Variants in SAFB2 observed in about 807,000 individuals in gnomAD.
SAFB2 encodes the protein scaffold attachment factor B2.
In SAFB2, 32 loss-of-function variants were observed where a neutral mutation model predicts 100.6. The ratio of observed to expected loss-of-function variants is 0.32; its 90% confidence interval spans 0.24 to 0.43. The LOEUF is 0.43. Among genes scored for constraint, SAFB2 ranks in the 20% least tolerant of loss-of-function variants. The pLI is 1.00. For missense variants in SAFB2, 1,185 were observed against 1,163.4 expected (o/e 1.02, Z -0.27); for synonymous variants, 500 against 439.4 (o/e 1.14, Z -1.72).
At chr19:5,610,718 A>G (rs746686892) in intron 7 of SAFB2, 30 bp from the exon 8 acceptor site, 3 of 1,450,880 alleles carry the variant, frequency 2.1e-6, no homozygotes, top group East Asian at 2.3e-5. Flanking sequence ...TTACTCATAC[A>G]GGAAAAAAAC....
chr19:5,599,569 C>A (rs2052611132), intron 12 of SAFB2, among the ~76,000 whole-genome samples: 1 of 151,728 alleles, frequency 6.6e-6, no homozygotes, highest in South Asian at 2.1e-4. Flanking sequence ...TTTTTCTCTT[C>A]CTTGATGGGG....
At chr19:5,621,015 C>T (rs372715321) in intron 2 of SAFB2, among the ~76,000 whole-genome samples, 14 of 152,258 alleles carry the variant, frequency 9.2e-5, no homozygotes, top group African/African-American at 3.4e-4. Flanking sequence ...TCCTCAGACC[C>T]GTAGAAGTAG....
intron 18 of SAFB2, among the ~76,000 whole-genome samples, chr19:5,589,364 G>T (rs575403256): frequency 4.0e-4 from 61 of 152,252 alleles, no homozygotes; most frequent in African/African-American, 1.2e-3. Flanking sequence ...CGGGTGTCCT[G>T]GGACACTCGG....
intron 9 of SAFB2, among the ~76,000 whole-genome samples, chr19:5,608,311 C>T (rs1335789623): frequency 6.6e-6 from 1 of 152,188 alleles, no homozygotes; most frequent in African/African-American, 2.4e-5. Context: ...ACGCTCATCA[C>T]AACACATCAT....
chr19:5,590,204 G>A (rs2052361006), intron 18 of SAFB2, 74 bp downstream of exon 18: 10 of 1,320,078 alleles, frequency 7.6e-6, no homozygotes, highest in East Asian at 2.9e-5. Flanking sequence ...CCTTGGGGAC[G>A]TGCCTGGCCA....
rs55863442 is a variant in SAFB2 at position 5,603,592 on chromosome 19, C to T, written c.1559+991G>A. Among the ~76,000 whole-genome samples, 1,368 of 152,314 alleles carry T rather than the reference C, an allele frequency of 9.0e-3. 29 individuals are homozygous for T. The highest frequency in any genetic ancestry group is 0.031 in the African/African-American group (1,287 of 41,570). ...AAATCACCCCTTTATAAAAATAGAA[C>T]CTCAGACCCATGGTTCCCAACTACT... On this transcript the variant is annotated intron_variant, in intron 11 of 20. Transcript: ENST00000252542.
At chr19:5,595,712 G>C (rs1044876350) in intron 13 of SAFB2, among the ~76,000 whole-genome samples, 1 of 152,202 alleles carries the variant, frequency 6.6e-6, no homozygotes, top group Admixed American at 6.5e-5. Flanking sequence ...GATGTCAAGG[G>C]GCATTCATGG....
intron 16 of SAFB2, among the ~76,000 whole-genome samples, chr19:5,592,180 C>T (rs2052422800): frequency 1.3e-5 from 2 of 152,184 alleles, no homozygotes; most frequent in Admixed American, 1.3e-4. Flanking sequence ...CCTCCCTTTC[C>T]TGTTCTCCCC....
chr19:5,592,732 G>A lies in SAFB2; in HGVS notation c.2348+15C>T, dbSNP rs376199416. 7.9e-5 allele frequency: 127 copies of A among 1,613,534 alleles called. No individual in the cohort carries two copies. The highest frequency in any genetic ancestry group is 1.3e-4 in the Admixed American group (8 of 59,988). ...CACAATGACTGTAGCTAAAGGAGGG[G>A]ACAAGACCACTGACCTGTCGATGGC... On this transcript the variant is annotated intron_variant, in intron 16 of 20. Coordinates refer to ENST00000252542, the MANE Select transcript of SAFB2 (RefSeq NM_014649.3).
intron 4 of SAFB2, among the ~76,000 whole-genome samples, chr19:5,614,237 G>A (rs1479068848): frequency 6.6e-6 from 1 of 152,114 alleles, no homozygotes; most frequent in Non-Finnish European, 1.5e-5. Flanking sequence ...ACAGGTGTGA[G>A]CCACCGCGCC....
intron 13 of SAFB2, among the ~76,000 whole-genome samples, chr19:5,597,168 C>T (rs781032277): frequency 6.6e-6 from 1 of 152,190 alleles, no homozygotes; most frequent in Non-Finnish European, 1.5e-5. Flanking sequence ...CCTGGGTTCT[C>T]AGGCCAGCTT....
At chr19:5,614,926 A>G (rs893139318) in intron 4 of SAFB2, among the ~76,000 whole-genome samples, 7 of 152,176 alleles carry the variant, frequency 4.6e-5, no homozygotes, top group African/African-American at 1.7e-4. Flanking sequence ...AACAACATTA[A>G]CAGGCTAGGC....
chr19:5,618,361 C>CA lies in SAFB2; in HGVS notation c.275-1876dup, dbSNP rs976804999. Among the ~76,000 whole-genome samples the CA allele has an allele frequency of 4.2e-3, 608 of 146,118 alleles. 4 individuals are homozygous for CA. The highest frequency in any genetic ancestry group is 0.018 in the South Asian group (82 of 4,606). ...TGGGCAACAGAGCGAGACTCCGTCTCAAAAAAAAAAGAAAGAAAATTAAAC... is the reference window on the plus strand; with the variant it reads ...TGGGCAACAGAGCGAGACTCCGTCTCAAAAAAAAAAAGAAAGAAAATTAAAC... On this transcript the variant is annotated intron_variant, in intron 2 of 20. Transcript: ENST00000252542.
Position 5,590,300 on chromosome 19 carries a change from G to A in SAFB2, c.2503C>T (p.Arg835Trp), listed in dbSNP as rs533605559. The A allele has an allele frequency of 1.2e-5, 19 of 1,599,024 alleles. No individual in the cohort carries two copies. The highest frequency in any genetic ancestry group is 1.7e-4 in the Middle Eastern group (1 of 6,000). ...YGSDKRLSEG[R>W]GLPPPPRGGR... ...AACCTGGGGGGAGGGGGCAGCCCCC[G>A]GCCTTCACTCAGCCTCTTGTCGGAG... Residue 835 changes from arginine to tryptophan, a missense_variant, in exon 18 of 21, where the codon CGG becomes TGG. By Grantham distance (101) the Arg-to-Trp change is moderately radical (BLOSUM62 -3). This residue lies in a region of SAFB2 where 740 missense variants were observed against 687.1 expected (regional missense o/e 1.08). Coordinates refer to ENST00000252542, the MANE Select transcript of SAFB2 (RefSeq NM_014649.3).
In SAFB2 at chr19:5,617,830, ATATT is replaced by A. The variant is rs1172715255; in HGVS notation, c.275-1348_275-1345del. Among the ~76,000 whole-genome samples, 7 of 152,214 alleles carry A rather than the reference ATATT, an allele frequency of 4.6e-5. No individual in the cohort carries two copies. In the South Asian group the frequency reaches 1.2e-3, roughly 27 times the overall value. The stretch of plus-strand genomic sequence containing the variant: ...TTTAAAGAATGTATGCTTTTAAAGA[ATATT>A]TAATGAAACAGAAAAAATGCCCACA... On this transcript the variant is annotated intron_variant, in intron 2 of 20. Coordinates refer to ENST00000252542, the MANE Select transcript of SAFB2 (RefSeq NM_014649.3).
chr19:5,587,828 G>T lies in SAFB2; in HGVS notation c.2638+40C>A, dbSNP rs1048702324. 6.3e-7 allele frequency: 1 copy of T among 1,580,476 alleles called. No homozygotes were observed. Among genetic ancestry groups the T allele is most frequent in the East Asian group, 2.3e-5 (1 of 42,928 alleles). ...CTGGGGAAGCCCCTGGACACATGTG[G>T]GGGCCACAGCCACCCTCGTCCCTGG... is the stretch of plus-strand genomic sequence containing the variant. On this transcript the variant is annotated intron_variant, in intron 19 of 20. Transcript: ENST00000252542. The surrounding 1 kb of genome is among the most constrained non-coding windows in gnomAD (Gnocchi z 4.9).
intron 14 of SAFB2, 83 bp from the exon 15 acceptor site, chr19:5,594,261 T>A: frequency 5.6e-6 from 8 of 1,430,948 alleles, no homozygotes; most frequent in Non-Finnish European, 5.5e-6. Flanking sequence ...GGGTGTGTAT[T>A]GGAAGCAGAA....
At position 5,587,004 on chromosome 19, in the gene SAFB2, A is replaced by G. The variant is rs1364470473; in HGVS notation, c.*239T>C. 1.7e-6 allele frequency: 1 copy of G among 596,950 alleles called. No individual in the cohort carries two copies. Among genetic ancestry groups the G allele is most frequent in the African/African-American group, 1.9e-5 (1 of 53,960 alleles). The allele number at this position is 596,950 out of a possible 1,614,324, so 37.0% of individuals were successfully genotyped here. On this transcript the variant is annotated 3_prime_UTR_variant, in exon 21 of 21. Transcript: ENST00000252542. The surrounding 1 kb of genome is among the most constrained non-coding windows in gnomAD (Gnocchi z 4.9). ...TGTGCACGCGCACGCAAGACTGCGA[A>G]TGGTAAACTTTATTAATGGAAAATG...
Position 5,602,479 on chromosome 19 carries a change from C to CAAA in SAFB2, c.1559+2101_1559+2103dup, listed in dbSNP as rs35472223. 8.1e-4 allele frequency among the ~76,000 whole-genome samples: 32 copies of CAAA among 39,480 alleles called. 3 individuals carry two copies. The South Asian group carries it at 0.02, about 24-fold the overall frequency. 25.9% of individuals were successfully genotyped at this position (39,480 alleles called of 152,430 possible). On this transcript the variant is annotated intron_variant, in intron 11 of 20. Coordinates refer to ENST00000252542, the MANE Select transcript of SAFB2 (RefSeq NM_014649.3). ...TGGGTGACAGAGCGAGACTCTGTCT[C>CAAA]AAAAAAAAAAAAAAAAAAAAAAAAA...
Sources: gnomAD v4.1 joint callset for allele counts (sites outside exome capture counted in the v4.1 genomes callset) on GRCh38, gnomAD v4.1.1 for gene constraint, gnomAD v4.1.1 regional missense constraint, Gnocchi (gnomAD v3.1) non-coding constraint, MANE v1.5 for transcripts, NCBI Gene and HGNC (gene_info 2026-07-23, HGNC 2026-07-21) for gene names.